Variants in NECAB1 observed in about 807,000 individuals in gnomAD.
NECAB1 encodes the protein N-terminal EF-hand calcium binding protein 1.
NECAB1 carries 29 observed loss-of-function variants against 57.5 expected under a neutral mutation model. The ratio of observed to expected loss-of-function variants is 0.50; its 90% CI spans 0.38 to 0.69. The LOEUF is 0.69. Among genes scored for constraint, NECAB1 ranks in the 30% least tolerant of loss-of-function variants. NECAB1 has a pLI of 0.00. For synonymous variants in NECAB1, 142 were observed against 147.7 expected (o/e 0.96, Z 0.28); for missense variants, 372 against 413.8 (o/e 0.90, Z 0.88).
intron 2 of NECAB1, among the ~76,000 whole-genome samples, chr8:90,805,873 T>G (rs1053419997): frequency 2.6e-5 from 4 of 152,154 alleles, no homozygotes; most frequent in Non-Finnish European, 5.9e-5. Flanking sequence ...ATCGTGTACA[T>G]TAGAGCCCCA....
At chr8:90,814,380 T>C (rs1812022767) in intron 2 of NECAB1, among the ~76,000 whole-genome samples, 1 of 152,184 alleles carries the variant, frequency 6.6e-6, no homozygotes, top group South Asian at 2.1e-4. Flanking sequence ...AGTTTACTCT[T>C]TCACCTCTTT....
intron 6 of NECAB1, among the ~76,000 whole-genome samples, chr8:90,923,635 G>C (rs1253414434): frequency 1.3e-5 from 2 of 152,138 alleles, no homozygotes; most frequent in East Asian, 3.8e-4. Flanking sequence ...GAAAGAAACA[G>C]ATAATCCAGA....
intron 6 of NECAB1, among the ~76,000 whole-genome samples, chr8:90,924,970 A>G (rs976117366): frequency 2.6e-5 from 4 of 151,634 alleles, no homozygotes; most frequent in Non-Finnish European, 5.9e-5. Flanking sequence ...GATATACTGT[A>G]TATAATATAT....
At chr8:90,842,849 G>A (rs773573520) in intron 3 of NECAB1, among the ~76,000 whole-genome samples, 24 of 152,188 alleles carry the variant, frequency 1.6e-4, no homozygotes, top group Admixed American at 2.6e-4. Context: ...CTAATGGTAC[G>A]TGATTATAAG....
intron 3 of NECAB1, 149 bp downstream of exon 3, chr8:90,824,974 A>G (rs1812199399): frequency 5.1e-6 from 2 of 393,316 alleles, no homozygotes; most frequent in Non-Finnish European, 9.2e-6. Flanking sequence ...CTCTTTAGTA[A>G]TTAAAATTGC....
chr8:90,831,140 T>C (rs1291681766), intron 3 of NECAB1, among the ~76,000 whole-genome samples: 1 of 152,106 alleles, frequency 6.6e-6, no homozygotes, highest in African/African-American at 2.4e-5. Flanking sequence ...CCAAGATGGT[T>C]ACTAGAAGCT....
chr8:90,851,052 A>C (rs1334329156), intron 3 of NECAB1, among the ~76,000 whole-genome samples: 4 of 152,296 alleles, frequency 2.6e-5, no homozygotes, highest in Middle Eastern at 3.4e-3. Context: ...TGATTTACTC[A>C]ACTGCCTATA....
intron 2 of NECAB1, among the ~76,000 whole-genome samples, chr8:90,821,466 C>A (rs1450223159): frequency 1.3e-5 from 2 of 151,892 alleles, no homozygotes; most frequent in Middle Eastern, 3.4e-3. Flanking sequence ...CAAATATATA[C>A]CCTTTGGCTA....
chr8:90,892,141 C>T (rs147478507), intron 5 of NECAB1, among the ~76,000 whole-genome samples: 1 of 152,148 alleles, frequency 6.6e-6, no homozygotes, highest in African/African-American at 2.4e-5. Flanking sequence ...CTGGTTTTCT[C>T]AGGAGCATCA....
chr8:90,891,437 C>T (rs1191219566), intron 5 of NECAB1, among the ~76,000 whole-genome samples: 3 of 151,990 alleles, frequency 2.0e-5, no homozygotes, highest in Non-Finnish European at 4.4e-5. Flanking sequence ...AGCTATTCTA[C>T]ATATTATGCC....
chr8:90,824,666 A>T, intron 2 of NECAB1, 51 bp from the exon 3 acceptor site: 1 of 1,228,240 alleles, frequency 8.1e-7, no homozygotes, highest in South Asian at 1.5e-5. Flanking sequence ...CAAAAACAGA[A>T]CAATGTACAA....
At chr8:90,954,062 G>A (rs1563548493) in intron 12 of NECAB1, among the ~76,000 whole-genome samples, 5 of 143,018 alleles carry the variant, frequency 3.5e-5, no homozygotes, top group Admixed American at 1.5e-4. Context: ...GAACGAGACT[G>A]TCTCAAAATA....
At chr8:90,901,587 T>C (rs1809504387) in intron 5 of NECAB1, among the ~76,000 whole-genome samples, 1 of 152,258 alleles carries the variant, frequency 6.6e-6, no homozygotes, top group African/African-American at 2.4e-5. Context: ...GCAAGTCTCC[T>C]TAATTTATCT....
At chr8:90,875,417 C>G (rs1470366070) in intron 4 of NECAB1, among the ~76,000 whole-genome samples, 1 of 129,420 alleles carries the variant, frequency 7.7e-6, no homozygotes, top group Non-Finnish European at 1.6e-5. Context: ...GGAAGCGGAG[C>G]TTGCAGTGAG....
At chr8:90,899,706 A>C (rs962445533) in intron 5 of NECAB1, among the ~76,000 whole-genome samples, 1 of 152,132 alleles carries the variant, frequency 6.6e-6, no homozygotes, top group Non-Finnish European at 1.5e-5. Context: ...TGTACAGTAC[A>C]TTTGATTTTT....
In NECAB1 at chr8:90,928,310, T is replaced by C; in HGVS notation, c.693+11T>C. On this transcript the variant is annotated intron_variant, in intron 8 of 12. Transcript: ENST00000417640. ...AGACTGGAAAAGAAGGTAGGTGCTT[T>C]CTTTTCTTTATTCTCTCTTCCACTC... The C allele has an allele frequency of 6.3e-7, 1 of 1,586,382 alleles. No homozygotes were observed. Among genetic ancestry groups the C allele is most frequent in the Non-Finnish European group, 8.6e-7 (1 of 1,162,294 alleles).
intron 5 of NECAB1, among the ~76,000 whole-genome samples, chr8:90,906,609 C>A (rs1381409508): frequency 6.6e-6 from 1 of 151,934 alleles, no homozygotes; most frequent in Admixed American, 6.6e-5. Flanking sequence ...TTCTTAGAAG[C>A]TTTGTTGTAC....
intron 10 of NECAB1, among the ~76,000 whole-genome samples, chr8:90,948,470 G>C (rs113602186): frequency 0.015 from 2,328 of 152,138 alleles, 46 homozygotes; most frequent in African/African-American, 0.053. Context: ...CCACCTGCTG[G>C]TCACACTTAG....
intron 3 of NECAB1, among the ~76,000 whole-genome samples, chr8:90,838,316 T>C (rs1330970727): frequency 6.6e-6 from 1 of 152,172 alleles, no homozygotes; most frequent in East Asian, 1.9e-4. Context: ...TTTCTAGTCA[T>C]AAAAGCATCA....
Sources: allele counts gnomAD v4.1 joint callset (sites outside exome capture counted in the v4.1 genomes callset), GRCh38; gene constraint gnomAD v4.1.1; transcripts MANE v1.5; gene names NCBI Gene and HGNC (gene_info 2026-07-23, HGNC 2026-07-21).